SLC12A8: variants seen among roughly 807,000 people sequenced by gnomAD.
SLC12A8 encodes the protein cation-chloride cotransporter 9.
A neutral mutation model predicts 75.6 loss-of-function variants in SLC12A8; 69 were observed. The observed-to-expected ratio is 0.91, with a 90% confidence interval of 0.75 to 1.11. The LOEUF (loss-of-function observed/expected upper bound fraction) is 1.11, where lower values mean the gene tolerates loss of function less well. Among genes scored for constraint, SLC12A8 ranks in the 50% most tolerant of loss-of-function variants. The pLI is 0.00. For synonymous variants in SLC12A8, 365 were observed against 372.8 expected (o/e 0.98, Z 0.24); for missense variants, 877 against 896.7 (o/e 0.98, Z 0.28).
At chr3:125,159,125 A>C (rs1382113120) in intron 5 of SLC12A8, among the ~76,000 whole-genome samples, 2 of 152,204 alleles carry the variant, frequency 1.3e-5, no homozygotes, top group African/African-American at 4.8e-5. Context: ...GAAATAATAA[A>C]ATTCTCTAAT....
At chr3:125,172,474 C>T (rs556348205) in intron 5 of SLC12A8, among the ~76,000 whole-genome samples, 8 of 152,174 alleles carry the variant, frequency 5.3e-5, no homozygotes, top group Non-Finnish European at 1.2e-4. Flanking sequence ...ACCAACTTGC[C>T]AGTGAGATCC....
intron 2 of SLC12A8, among the ~76,000 whole-genome samples, chr3:125,195,927 G>T (rs760972460): frequency 6.6e-6 from 1 of 152,110 alleles, no homozygotes; most frequent in Non-Finnish European, 1.5e-5. Flanking sequence ...ACAGGCTGCC[G>T]CTAGGAAGTC....
chr3:125,189,927 C>T lies in SLC12A8; in HGVS notation c.198+448G>A, dbSNP rs150253846. ...TAGGCAATCCATCCCTAGAGGTAGG[C>T]GGCCCACACCTCTGACCAAGCATCC... is the stretch of plus-strand genomic sequence containing the variant. On this transcript the variant is annotated intron_variant, in intron 3 of 13. Coordinates refer to ENST00000469902, the MANE Select transcript of SLC12A8 (RefSeq NM_024628.6). Among the ~76,000 whole-genome samples the T allele has an allele frequency of 5.1e-3, 777 of 152,276 alleles. 10 individuals carry two copies. Among genetic ancestry groups the T allele is most frequent in the African/African-American group, 0.017 (726 of 41,538 alleles).
intron 6 of SLC12A8, among the ~76,000 whole-genome samples, chr3:125,131,641 T>TGG (rs1933361034): frequency 1.3e-5 from 2 of 151,994 alleles, no homozygotes; most frequent in Non-Finnish European, 1.5e-5. Context: ...GCCCACGTCA[T>TGG]CCTCCCAAAG....
chr3:125,189,923 T>C (rs1010143979), intron 3 of SLC12A8, among the ~76,000 whole-genome samples: 4 of 152,036 alleles, frequency 2.6e-5, no homozygotes, highest in African/African-American at 4.8e-5. Context: ...TCCCTAGAGG[T>C]AGGCGGCCCA....
At chr3:125,130,220 C>G (rs569300549) in intron 6 of SLC12A8, among the ~76,000 whole-genome samples, 3 of 152,102 alleles carry the variant, frequency 2.0e-5, no homozygotes, top group African/African-American at 7.2e-5. Flanking sequence ...GCTTTTTCAG[C>G]GGAAGGACAA....
chr3:125,136,935 T>C (rs613500), intron 5 of SLC12A8, among the ~76,000 whole-genome samples: 150,179 of 152,304 alleles, frequency 0.99, 74,075 homozygotes, highest in East Asian at 1. Context: ...CTGAATCTTG[T>C]CTCTGAGAAG....
At chr3:125,135,090 A>AC (rs1653571738) in intron 6 of SLC12A8, among the ~76,000 whole-genome samples, 2 of 152,164 alleles carry the variant, frequency 1.3e-5, no homozygotes, top group South Asian at 4.1e-4. Context: ...CTCTACAGTC[A>AC]CTGCAGAGCA....
intron 5 of SLC12A8, among the ~76,000 whole-genome samples, chr3:125,142,538 G>A (rs920801197): frequency 7.2e-5 from 11 of 152,230 alleles, no homozygotes; most frequent in East Asian, 1.9e-4. Flanking sequence ...ATCTCTGGGT[G>A]GAGGAAGGCA....
At chr3:125,118,019 C>T (rs893996177) in intron 8 of SLC12A8, among the ~76,000 whole-genome samples, 16 of 152,374 alleles carry the variant, frequency 1.1e-4, no homozygotes, top group East Asian at 7.7e-4. Flanking sequence ...GGCTTCCGCC[C>T]GCTCCCTCCA....
At chr3:125,131,836 G>C (rs749960016) in intron 6 of SLC12A8, among the ~76,000 whole-genome samples, 12 of 152,180 alleles carry the variant, frequency 7.9e-5, no homozygotes, top group Admixed American at 2.0e-4. Flanking sequence ...CTGGAGTCGG[G>C]GGCAGGGAGA....
chr3:125,096,775 T>C (rs1462258728), intron 10 of SLC12A8, among the ~76,000 whole-genome samples: 2 of 152,218 alleles, frequency 1.3e-5, no homozygotes, highest in Admixed American at 1.3e-4. Flanking sequence ...AAAAAATAAA[T>C]AATTCTGTTA....
intron 10 of SLC12A8, among the ~76,000 whole-genome samples, chr3:125,095,716 C>T (rs1276136088): frequency 2.6e-5 from 4 of 152,228 alleles, no homozygotes; most frequent in Admixed American, 2.6e-4. Context: ...CTTCACATGA[C>T]TAGGTCCGAG....
At chr3:125,186,964 C>T (rs1368100763) in intron 4 of SLC12A8, among the ~76,000 whole-genome samples, 2 of 152,262 alleles carry the variant, frequency 1.3e-5, no homozygotes, top group South Asian at 4.1e-4. Context: ...CCAGATTGAA[C>T]AGCAAGAATG....
In SLC12A8 at chr3:125,112,813, T is replaced by A. The variant is rs538544864; in HGVS notation, c.913-2478A>T. 1.7e-4 allele frequency among the ~76,000 whole-genome samples: 26 copies of A among 152,308 alleles called. 1 individual carries two copies. The South Asian group carries it at 4.8e-3, about 28-fold the overall frequency. On this transcript the variant is annotated intron_variant, in intron 8 of 13. Coordinates refer to ENST00000469902, the MANE Select transcript of SLC12A8 (RefSeq NM_024628.6). ...TCTCCACTCTGCCTAAACATAAGAA[T>A]CACCCAGAGATTCTGATTTAATTAG...
chr3:125,176,871 T>C (rs1354574014), intron 5 of SLC12A8, among the ~76,000 whole-genome samples: 1 of 150,834 alleles, frequency 6.6e-6, no homozygotes, highest in East Asian at 1.9e-4. Context: ...TTTTACACTG[T>C]TGGTGGGACT....
chr3:125,128,108 G>A (rs1198478336), intron 6 of SLC12A8, among the ~76,000 whole-genome samples: 3 of 151,846 alleles, frequency 2.0e-5, no homozygotes, highest in Non-Finnish European at 2.9e-5. Flanking sequence ...TCTTGACCTC[G>A]TGATCTGCCC....
chr3:125,150,384 G>C (rs1483676050), intron 5 of SLC12A8, among the ~76,000 whole-genome samples: 3 of 152,172 alleles, frequency 2.0e-5, no homozygotes, highest in Admixed American at 6.6e-5. Flanking sequence ...GCAGTAAGGG[G>C]CCTGTCAAAG....
chr3:125,112,150 C>G (rs538914122), intron 8 of SLC12A8, among the ~76,000 whole-genome samples: 1 of 152,328 alleles, frequency 6.6e-6, no homozygotes, highest in South Asian at 2.1e-4. Context: ...GGTGGAATAA[C>G]CCCCAAATGG....
Sources: gnomAD v4.1 joint callset for allele counts (sites outside exome capture counted in the v4.1 genomes callset) on GRCh38, gnomAD v4.1.1 for gene constraint, MANE v1.5 for transcripts, NCBI Gene and HGNC (gene_info 2026-07-23, HGNC 2026-07-21) for gene names.